The following GIGYF2 variants were observed in gnomAD, a reference collection of about 807,000 sequenced individuals.
The protein encoded by GIGYF2 is GRB10 interacting GYF protein 2, also known as GRB10-interacting GYF protein 2.
In GIGYF2, 25 loss-of-function variants were observed where a neutral mutation model predicts 208.1. The observed-to-expected ratio is 0.12, with a 90% CI of 0.09 to 0.17. GIGYF2 has a LOEUF of 0.17. Among genes scored for constraint, GIGYF2 ranks in the 10% least tolerant of loss-of-function variants. The pLI, the probability that GIGYF2 is intolerant of heterozygous loss-of-function variation, is 1.00. For missense variants in GIGYF2, 1,302 were observed against 1,579.4 expected (o/e 0.82, Z 2.98); for synonymous variants, 534 against 543.8 (o/e 0.98, Z 0.25).
chr2:232,732,866 G>A (rs1470853411), intron 2 of GIGYF2, among the ~76,000 whole-genome samples: 1 of 152,070 alleles, frequency 6.6e-6, no homozygotes, highest in Non-Finnish European at 1.5e-5. Context: ...CCGGGCTCAA[G>A]CGATCCACCC....
At chr2:232,765,830 C>A (rs1698934878) in intron 8 of GIGYF2, 19 of 443,272 alleles carry the variant, frequency 4.3e-5, no homozygotes, top group South Asian at 3.0e-4. Context: ...AACTAGGCCC[C>A]TGAGATTTTT....
intron 2 of GIGYF2, chr2:232,722,752 G>A (rs1299309044): frequency 6.6e-6 from 1 of 151,956 alleles, no homozygotes; most frequent in African/African-American, 2.4e-5. Context: ...GGTACTTTCT[G>A]TATTATCTTT....
chr2:232,790,800 G>T lies in GIGYF2; in HGVS notation c.815G>T (p.Arg272Leu). ...GATGAACGGGGTTACCGAAGGGTTC[G>T]CTCTGGCAGTGGGAGCATAGATGAT... is the stretch of plus-strand genomic sequence containing the variant. Reference protein sequence around the residue: ...RDDERGYRRVRSGSGSIDDDR... With the variant: ...RDDERGYRRVLSGSGSIDDDR... The change falls in exon 10 of 29, where the codon CGC becomes CTC. Residue 272 changes from arginine (R) to leucine (L), a missense_variant. Coordinates refer to ENST00000373563, the MANE Select transcript of GIGYF2 (RefSeq NM_001103146.3). 6.2e-7 allele frequency: 1 copy of T among 1,614,042 alleles called. No homozygotes were observed. The highest frequency in any genetic ancestry group is 8.5e-7 in the Non-Finnish European group (1 of 1,179,942).
intron 14 of GIGYF2, among the ~76,000 whole-genome samples, chr2:232,802,959 G>A (rs1481795669): frequency 6.6e-6 from 1 of 151,486 alleles, no homozygotes; most frequent in Admixed American, 6.6e-5. Flanking sequence ...GAGTGCAGTG[G>A]CACAGTCTCA....
At chr2:232,815,586 C>A (rs1378730477) in intron 18 of GIGYF2, 51 bp from the exon 19 acceptor site, 2 of 962,146 alleles carry the variant, frequency 2.1e-6, no homozygotes, top group African/African-American at 3.2e-5. Context: ...GGATATGTCA[C>A]CATGTGTGTA....
chr2:232,812,243 T>G, intron 17 of GIGYF2, 148 bp from the exon 18 acceptor site: 3 of 601,308 alleles, frequency 5.0e-6, no homozygotes, highest in Non-Finnish European at 8.9e-6. Flanking sequence ...CCAAACTGCT[T>G]TGGTAGTGTT....
In GIGYF2 at chr2:232,856,978, G is replaced by T. The variant is rs963683843; in HGVS notation, c.*118G>T. 2.5e-6 allele frequency: 2 copies of T among 798,198 alleles called. No homozygotes were observed. Among genetic ancestry groups the T allele is most frequent in the Non-Finnish European group, 4.5e-6 (2 of 443,582 alleles). The allele number at this position is 798,198 out of a possible 1,614,324, so 49.4% of individuals were successfully genotyped here. A position where few individuals can be genotyped will look rare whatever the true frequency, so the allele number is the denominator to read the frequency against. On this transcript the variant is annotated 3_prime_UTR_variant, in exon 29 of 29. Coordinates refer to ENST00000373563, the MANE Select transcript of GIGYF2 (RefSeq NM_001103146.3). Reference sequence around the variant, plus strand: ...TCACTCTGCAACAAATCACAGAACCGATCATCTCAGGCTTTTTCTTCTGGC... The same window carrying T: ...TCACTCTGCAACAAATCACAGAACCTATCATCTCAGGCTTTTTCTTCTGGC...
chr2:232,738,872 T>A (rs1016881865), intron 3 of GIGYF2, among the ~76,000 whole-genome samples: 1 of 152,188 alleles, frequency 6.6e-6, no homozygotes, highest in Non-Finnish European at 1.5e-5. Context: ...ACTAGAAGGA[T>A]TTTATGAATT....
chr2:232,831,557 A>G (rs1237048777), intron 21 of GIGYF2, among the ~76,000 whole-genome samples: 1 of 152,238 alleles, frequency 6.6e-6, no homozygotes, highest in Non-Finnish European at 1.5e-5. Flanking sequence ...GGATACTTTC[A>G]GCTCCAAAAT....
At chr2:232,762,961 G>A (rs1033059883) in intron 8 of GIGYF2, among the ~76,000 whole-genome samples, 1 of 152,022 alleles carries the variant, frequency 6.6e-6, no homozygotes, top group Non-Finnish European at 1.5e-5. Flanking sequence ...AGTCGAGGCT[G>A]CAGTGAGCCG....
At chr2:232,808,744 G>A (rs1035064030) in intron 15 of GIGYF2, among the ~76,000 whole-genome samples, 4 of 151,814 alleles carry the variant, frequency 2.6e-5, no homozygotes, top group Non-Finnish European at 4.4e-5. Flanking sequence ...TATACTTCAT[G>A]TTTCTTTCTC....
chr2:232,737,738 A>G (rs1697792539), intron 3 of GIGYF2, among the ~76,000 whole-genome samples: 1 of 152,096 alleles, frequency 6.6e-6, no homozygotes, highest in Admixed American at 6.5e-5. Flanking sequence ...CAGAAGCACT[A>G]AGTGATACGG....
chr2:232,858,826 A>AT lies in GIGYF2; in HGVS notation c.*1967dup, dbSNP rs1177158074. Reference sequence around the variant, plus strand: ...GGCAGATGTCGGTAAGTTTGACCAAATATCTTTTCTCTTTTTGACTCTCCC... The same window carrying AT: ...GGCAGATGTCGGTAAGTTTGACCAAATTATCTTTTCTCTTTTTGACTCTCCC... On this transcript the variant is annotated 3_prime_UTR_variant, in exon 29 of 29. Transcript: ENST00000373563. 3.4e-6 allele frequency: 1 copy of AT among 294,544 alleles called. No individual in the cohort carries two copies. The highest frequency in any genetic ancestry group is 6.6e-6 in the Non-Finnish European group (1 of 150,882). 18.2% of individuals were successfully genotyped at this position (294,544 alleles called of 1,614,324 possible).
intron 21 of GIGYF2, among the ~76,000 whole-genome samples, chr2:232,827,661 C>CT (rs1260525499): frequency 6.6e-6 from 1 of 152,116 alleles, no homozygotes; most frequent in African/African-American, 2.4e-5. Flanking sequence ...CAACTTTTGG[C>CT]TTTGTTACTT....
At chr2:232,802,315 G>T (rs78405765) in intron 14 of GIGYF2, among the ~76,000 whole-genome samples, 4 of 151,784 alleles carry the variant, frequency 2.6e-5, no homozygotes, top group Non-Finnish European at 5.9e-5. Flanking sequence ...GAAAGTGGGC[G>T]TCCTTCGCTA....
chr2:232,724,285 T>TGACCTCAAGTGATCCACC (rs1156777587), intron 2 of GIGYF2, among the ~76,000 whole-genome samples: 1 of 146,544 alleles, frequency 6.8e-6, no homozygotes, highest in Non-Finnish European at 1.5e-5. Flanking sequence ...CTTGAACACC[T>TGACCTCAAGTGATCCACC]GACCTCAAGT....
At chr2:232,831,634 G>A (rs1291541601) in intron 21 of GIGYF2, among the ~76,000 whole-genome samples, 1 of 152,224 alleles carries the variant, frequency 6.6e-6, no homozygotes, top group Non-Finnish European at 1.5e-5. Flanking sequence ...AAGGAGGTCT[G>A]CCCATCAGCC....
At chr2:232,735,834 C>A in intron 3 of GIGYF2, 2 of 985,228 alleles carry the variant, frequency 2.0e-6, no homozygotes, top group Non-Finnish European at 2.4e-6. Context: ...TGGCTTCCCC[C>A]CCTCCCCTCC....
chr2:232,828,751 T>C (rs1301507694), intron 21 of GIGYF2: 1 of 152,138 alleles, frequency 6.6e-6, no homozygotes, highest in Non-Finnish European at 1.5e-5. Context: ...ACTAGTTTTT[T>C]TAAAAAGGAA....
Sources: gnomAD v4.1 joint callset for allele counts (sites outside exome capture counted in the v4.1 genomes callset) on GRCh38, gnomAD v4.1.1 for gene constraint, MANE v1.5 for transcripts, NCBI Gene and HGNC (gene_info 2026-07-23, HGNC 2026-07-21) for gene names.